Variants in PRELID2 observed in about 807,000 individuals in gnomAD.
The protein encoded by PRELID2 is PRELI domain containing 2, also known as PRELI domain-containing protein 2.
Under a neutral mutation model 28.4 loss-of-function variants are expected in PRELID2, and 25 were observed. That is an observed-to-expected ratio of 0.88 (90% CI 0.64 to 1.23). The LOEUF (loss-of-function observed/expected upper bound fraction) is 1.23. Among genes scored for constraint, PRELID2 ranks in the 50% most tolerant of loss-of-function variants. PRELID2 has a pLI of 0.00. For missense variants in PRELID2, 201 were observed against 214.4 expected (o/e 0.94, Z 0.39); for synonymous variants, 76 against 71.6 (o/e 1.06, Z -0.31).
chr5:145,442,410 C>T, the PRELID2 span, among the ~76,000 whole-genome samples: 3 of 152,034 alleles, frequency 2.0e-5, no homozygotes, highest in Non-Finnish European at 2.9e-5. Context: ...TACAATTCTG[C>T]ATCACCCTAT....
At chr5:145,518,734 A>G (rs1011152324) in intron 1 of PRELID2, among the ~76,000 whole-genome samples, 1 of 152,208 alleles carries the variant, frequency 6.6e-6, no homozygotes, top group African/African-American at 2.4e-5. Context: ...CCACGAGGAG[A>G]TACCTGGCAA....
chr5:145,598,237 C>T (rs1049841621), intron 1 of PRELID2, among the ~76,000 whole-genome samples: 1 of 151,994 alleles, frequency 6.6e-6, no homozygotes, highest in South Asian at 2.1e-4. Context: ...CCAGTGAAGT[C>T]GAAGTTTTAC....
chr5:145,514,127 T>A lies in PRELID2; in HGVS notation n.71-40812A>T, dbSNP rs370879804. On this transcript the variant is annotated intron_variant and non_coding_transcript_variant, in intron 1 of 2. Coordinates refer to the PRELID2 transcript ENST00000510259. Reference sequence around the variant, plus strand: ...ACCAGCTAGCATCATAATGACAGAATCAAATTCACACATAACAATATTAAC... The same window carrying A: ...ACCAGCTAGCATCATAATGACAGAAACAAATTCACACATAACAATATTAAC... 6.6e-5 allele frequency among the ~76,000 whole-genome samples: 10 copies of A among 152,160 alleles called. No individual in the cohort carries two copies. The East Asian group carries it at 1.5e-3, about 24-fold the overall frequency.
chr5:145,362,596 A>G, the PRELID2 span, among the ~76,000 whole-genome samples: 4 of 152,138 alleles, frequency 2.6e-5, no homozygotes, highest in Non-Finnish European at 5.9e-5. Context: ...AATACATAAC[A>G]TTTCACTGAT....
At chr5:145,256,966 T>C in the PRELID2 span, among the ~76,000 whole-genome samples, 1 of 151,972 alleles carries the variant, frequency 6.6e-6, no homozygotes, top group Non-Finnish European at 1.5e-5. Context: ...AATAGGCTTG[T>C]ACTACATGAA....
At chr5:145,451,384 G>A in the PRELID2 span, among the ~76,000 whole-genome samples, 156 of 152,202 alleles carry the variant, frequency 1.0e-3, no homozygotes, top group South Asian at 6.4e-3. Flanking sequence ...ATCCTTACCG[G>A]TCATCTTTGT....
At chr5:145,683,064 A>T (rs1754968937) in intron 1 of PRELID2, among the ~76,000 whole-genome samples, 1 of 152,230 alleles carries the variant, frequency 6.6e-6, no homozygotes, top group South Asian at 2.1e-4. Flanking sequence ...AGCATTGTTT[A>T]TATTGGGTGA....
At chr5:145,552,598 A>G (rs753485689) in intron 1 of PRELID2, among the ~76,000 whole-genome samples, 2 of 152,136 alleles carry the variant, frequency 1.3e-5, no homozygotes, top group Non-Finnish European at 2.9e-5. Flanking sequence ...AATAGAAGCA[A>G]CACCAAGAAA....
At chr5:145,403,084 G>T in the PRELID2 span, among the ~76,000 whole-genome samples, 1 of 152,148 alleles carries the variant, frequency 6.6e-6, no homozygotes, top group Non-Finnish European at 1.5e-5. Context: ...TCCCTTAGAA[G>T]GTAGAGCTTT....
chr5:145,558,941 T>G (rs1276583466), intron 1 of PRELID2, among the ~76,000 whole-genome samples: 1 of 152,042 alleles, frequency 6.6e-6, no homozygotes, highest in African/African-American at 2.4e-5. Context: ...TGCACAACCA[T>G]GAAAATAAAT....
At chr5:145,722,751 C>T (rs571661812) in intron 1 of PRELID2, among the ~76,000 whole-genome samples, 2 of 152,142 alleles carry the variant, frequency 1.3e-5, no homozygotes, top group Non-Finnish European at 2.9e-5. Flanking sequence ...CCGCCCACCT[C>T]GGCCTCCCAA....
chr5:145,266,901 G>A, the PRELID2 span, among the ~76,000 whole-genome samples: 7 of 152,172 alleles, frequency 4.6e-5, no homozygotes, highest in South Asian at 1.5e-3. Flanking sequence ...GGAATTGAAG[G>A]CCATTATTCT....
At chr5:145,417,056 G>T in the PRELID2 span, among the ~76,000 whole-genome samples, 1 of 151,832 alleles carries the variant, frequency 6.6e-6, no homozygotes, top group African/African-American at 2.4e-5. Flanking sequence ...GAGACAATCA[G>T]AAATGATAAG....
the PRELID2 span, among the ~76,000 whole-genome samples, chr5:145,368,453 A>G: frequency 5.9e-5 from 9 of 152,066 alleles, no homozygotes; most frequent in South Asian, 1.0e-3. Flanking sequence ...ATTTAAGCCC[A>G]TACCCCACGT....
intron 1 of PRELID2, among the ~76,000 whole-genome samples, chr5:145,660,005 G>A (rs939065573): frequency 2.4e-4 from 36 of 152,066 alleles, no homozygotes; most frequent in East Asian, 9.7e-4. Context: ...AGTGGCTACC[G>A]TATATTGAGC....
intron 4 of PRELID2, among the ~76,000 whole-genome samples, chr5:145,817,220 A>ATAT (rs1265574987): frequency 0.016 from 1,044 of 66,314 alleles, 30 homozygotes; most frequent in Middle Eastern, 0.026. Context: ...AATAAAAAAA[A>ATAT]ATATATATAT....
At chr5:145,326,046 T>C in the PRELID2 span, among the ~76,000 whole-genome samples, 9 of 152,178 alleles carry the variant, frequency 5.9e-5, no homozygotes, top group Non-Finnish European at 8.8e-5. Flanking sequence ...TCTTGCTCTG[T>C]TGCCCAGGTT....
chr5:145,323,936 T>A, the PRELID2 span, among the ~76,000 whole-genome samples: 8 of 152,216 alleles, frequency 5.3e-5, no homozygotes, highest in African/African-American at 1.9e-4. Flanking sequence ...CACATGCATG[T>A]GTCTTTATGG....
rs1757307375 is a variant in PRELID2 at position 145,757,888 on chromosome 5, G to A, written c.*2648C>T. Among the ~76,000 whole-genome samples the A allele has an allele frequency of 6.6e-6, 1 of 151,674 alleles. No individual in the cohort carries two copies. The highest frequency in any genetic ancestry group is 1.5e-5 in the Non-Finnish European group (1 of 67,970). On this transcript the variant is annotated 3_prime_UTR_variant, in exon 7 of 7. Transcript: ENST00000683046. Reference sequence around the variant, plus strand: ...AAGCTGGAAGCAATAGCTGCCTGCAGGGGGAAAATTACTGAGTGAGGAAAA... The same window carrying A: ...AAGCTGGAAGCAATAGCTGCCTGCAAGGGGAAAATTACTGAGTGAGGAAAA...
Sources: gnomAD v4.1 joint callset for allele counts (sites outside exome capture counted in the v4.1 genomes callset) on GRCh38, gnomAD v4.1.1 for gene constraint, MANE v1.5 for transcripts, NCBI Gene and HGNC (gene_info 2026-07-23, HGNC 2026-07-21) for gene names.